Variants in B3GAT2 observed in about 807,000 individuals in gnomAD.
B3GAT2 encodes the protein galactosylgalactosylxylosylprotein 3-beta-glucuronosyltransferase 2.
B3GAT2 carries 26 observed loss-of-function variants against 27.8 expected under a neutral mutation model. That is an observed-to-expected ratio of 0.93 (90% CI 0.68 to 1.30). The LOEUF is 1.30. Among genes scored for constraint, B3GAT2 ranks in the 50% most tolerant of loss-of-function variants. B3GAT2 has a pLI of 0.00. For missense variants in B3GAT2, 458 were observed against 459.0 expected, an observed-to-expected ratio of 1.00 and a Z score of 0.02; for synonymous variants, 218 against 195.1, an observed-to-expected ratio of 1.12 and a Z score of -0.98.
intron 2 of B3GAT2, among the ~76,000 whole-genome samples, chr6:70,862,220 A>AGTT (rs1771766970): frequency 6.6e-6 from 1 of 152,174 alleles, no homozygotes; most frequent in African/African-American, 2.4e-5. Context: ...CAAAATAGGA[A>AGTT]GTTTAGTCTG....
chr6:70,944,507 G>A (rs1323953902), intron 1 of B3GAT2, among the ~76,000 whole-genome samples: 5 of 152,198 alleles, frequency 3.3e-5, no homozygotes, highest in Non-Finnish European at 7.3e-5. Context: ...AGGCGGCAGC[G>A]AGGCTGGGGG....
At chr6:70,865,394 A>T (rs1251515870) in intron 2 of B3GAT2, among the ~76,000 whole-genome samples, 1 of 152,226 alleles carries the variant, frequency 6.6e-6, no homozygotes, top group African/African-American at 2.4e-5. Context: ...CTGGGATTAC[A>T]GGCGTGAGCT....
chr6:70,926,883 C>T (rs138317445), intron 1 of B3GAT2, among the ~76,000 whole-genome samples: 188 of 152,124 alleles, frequency 1.2e-3, no homozygotes, highest in South Asian at 4.4e-3. Flanking sequence ...GTCAGATTCA[C>T]CAAGGTTGAA....
intron 1 of B3GAT2, among the ~76,000 whole-genome samples, chr6:70,938,334 TAATTTATAGATTC>T (rs916941881): frequency 2.6e-4 from 38 of 144,776 alleles, no homozygotes; most frequent in African/African-American, 9.8e-4. Flanking sequence ...CTGCCCAAGG[TAATTTATAGATTC>T]AATGCCATCC....
At chr6:70,923,427 T>C (rs768486761) in intron 1 of B3GAT2, among the ~76,000 whole-genome samples, 3 of 152,158 alleles carry the variant, frequency 2.0e-5, no homozygotes, top group Non-Finnish European at 4.4e-5. Context: ...CCGTAATCCC[T>C]GCACTTTGGG....
chr6:70,928,080 G>A (rs1274412063), intron 1 of B3GAT2, among the ~76,000 whole-genome samples: 3 of 152,242 alleles, frequency 2.0e-5, no homozygotes, highest in South Asian at 2.1e-4. Flanking sequence ...GCTCCTGAAT[G>A]ACTACTGGGT....
chr6:70,927,022 C>T (rs569762562), intron 1 of B3GAT2, among the ~76,000 whole-genome samples: 1 of 152,284 alleles, frequency 6.6e-6, no homozygotes, highest in African/African-American at 2.4e-5. Flanking sequence ...GGCCGATATT[C>T]AACATGCTTA....
rs1205175073 is a variant in B3GAT2, at chr6:70,938,145, CA to C, written c.591+17693del. ...GAGAGCCAAATCATGAGTGAACTCC[CA>C]TGCACAATTGCTTCAAAGATAATAA... On this transcript the variant is annotated intron_variant, in intron 1 of 3. Transcript: ENST00000230053. Among the ~76,000 whole-genome samples the C allele has an allele frequency of 1.7e-4, 26 of 150,490 alleles. No homozygotes were observed. The East Asian group carries it at 4.8e-3, about 28-fold the overall frequency.
In B3GAT2 at chr6:70,857,948, C is replaced by T; in HGVS notation, c.*3715G>A. 3.1e-6 allele frequency: 5 copies of T among 1,614,030 alleles called. No individual in the cohort carries two copies. Among genetic ancestry groups the T allele is most frequent in the Non-Finnish European group, 4.2e-6 (5 of 1,179,976 alleles). On this transcript the variant is annotated 3_prime_UTR_variant, in exon 4 of 4. Transcript: ENST00000230053. ...TGTATTTATGGGACCCACAAATATA[C>T]CATTTACCTCACAAGCACCAGCTGC...
At chr6:70,916,707 T>G (rs915239487) in intron 1 of B3GAT2, among the ~76,000 whole-genome samples, 2 of 152,258 alleles carry the variant, frequency 1.3e-5, no homozygotes, top group African/African-American at 4.8e-5. Flanking sequence ...TTTATTGATT[T>G]GCCTATGTTG....
chr6:70,939,592 T>C (rs1389964982), intron 1 of B3GAT2, among the ~76,000 whole-genome samples: 2 of 151,824 alleles, frequency 1.3e-5, no homozygotes, highest in Non-Finnish European at 2.9e-5. Context: ...TTCATGTCCT[T>C]TGCAGGGACA....
At chr6:70,871,206 CTGTTTTTTTTTTTT>C (rs965821495) in intron 2 of B3GAT2, among the ~76,000 whole-genome samples, 6 of 100,194 alleles carry the variant, frequency 6.0e-5, no homozygotes, top group African/African-American at 1.1e-4. Context: ...ATAGGTCTGT[CTGTTTTTTTTTTTT>C]TGTTTTTTTT....
At chr6:70,955,461 C>T (rs1401308162) in intron 1 of B3GAT2, among the ~76,000 whole-genome samples, 1 of 150,914 alleles carries the variant, frequency 6.6e-6, no homozygotes, top group Non-Finnish European at 1.5e-5. Flanking sequence ...AGGTCCCTCC[C>T]TGATCTCCTA....
chr6:70,934,234 T>A (rs1323240226), intron 1 of B3GAT2, among the ~76,000 whole-genome samples: 2 of 152,236 alleles, frequency 1.3e-5, no homozygotes, highest in East Asian at 3.9e-4. Context: ...TGAATGCAGA[T>A]AACTTTAAGT....
At chr6:70,899,335 A>G (rs1772452015) in intron 1 of B3GAT2, among the ~76,000 whole-genome samples, 1 of 152,212 alleles carries the variant, frequency 6.6e-6, no homozygotes. Context: ...GTTCTAGGTA[A>G]CCAGATGAAT....
chr6:70,901,632 A>G (rs1042490715), intron 1 of B3GAT2, among the ~76,000 whole-genome samples: 1 of 152,214 alleles, frequency 6.6e-6, no homozygotes, highest in African/African-American at 2.4e-5. Flanking sequence ...TGCCCCTCTC[A>G]GCAGTGCCAG....
chr6:70,941,652 T>C (rs1765395532), intron 1 of B3GAT2, among the ~76,000 whole-genome samples: 1 of 152,206 alleles, frequency 6.6e-6, no homozygotes, highest in South Asian at 2.1e-4. Context: ...CCAGTTTCTA[T>C]TTAAAGGGCT....
In B3GAT2 at chr6:70,860,212, A is replaced by G; in HGVS notation, c.*1451T>C. ...ATATGTTTCACAGATGAATCAGCAG[A>G]TGGCTGGCATGAGTATCAGTAGTGC... is the stretch of plus-strand genomic sequence containing the variant. On this transcript the variant is annotated 3_prime_UTR_variant, in exon 4 of 4. Transcript: ENST00000230053. 6.2e-7 allele frequency: 1 copy of G among 1,609,362 alleles called. No individual in the cohort carries two copies. Among genetic ancestry groups the G allele is most frequent in the South Asian group, 1.1e-5 (1 of 89,986 alleles).
chr6:70,938,704 T>G (rs976271352), intron 1 of B3GAT2, among the ~76,000 whole-genome samples: 13 of 152,140 alleles, frequency 8.5e-5, no homozygotes, highest in African/African-American at 3.1e-4. Context: ...TAGCCATATG[T>G]AGAAAGCTGA....
Sources: gnomAD v4.1 joint callset for allele counts (sites outside exome capture counted in the v4.1 genomes callset) on GRCh38, gnomAD v4.1.1 for gene constraint, MANE v1.5 for transcripts, NCBI Gene and HGNC (gene_info 2026-07-23, HGNC 2026-07-21) for gene names.